SRD5A3: variants seen among roughly 807,000 people sequenced by gnomAD.
SRD5A3 encodes the protein polyprenal reductase.
SRD5A3 carries 24 observed loss-of-function variants against 34.3 expected under a neutral mutation model. The ratio of observed to expected loss-of-function variants is 0.70; its 90% CI spans 0.51 to 0.99. The LOEUF (loss-of-function observed/expected upper bound fraction) is 0.99, where lower values mean the gene tolerates loss of function less well. Ranked by LOEUF, SRD5A3 falls within the 50% of genes least tolerant of loss-of-function variation. SRD5A3 has a pLI of 0.00. For synonymous variants in SRD5A3, 161 were observed against 167.3 expected (o/e 0.96, Z 0.29); for missense variants, 350 against 388.2 (o/e 0.90, Z 0.83).
At chr4:55,353,903 G>T (rs1719317835) in intron 1 of SRD5A3, among the ~76,000 whole-genome samples, 1 of 152,142 alleles carries the variant, frequency 6.6e-6, no homozygotes, top group Admixed American at 6.6e-5. Flanking sequence ...CTTCATTCTT[G>T]AAGTCAGCAA....
rs753171421 is a variant in SRD5A3 at position 55,369,923 on chromosome 4, C to T, written c.789C>T (p.Tyr263=). The part of the protein sequence containing the change: ...SPNYLAELMI[Y]VSMAVTFGFH... The stretch of plus-strand genomic sequence containing the variant: ...ACTACTTAGCAGAGCTGATGATCTA[C>T]GTTTCCATGGCCGTCACCTTTGGGT... The change falls in exon 5 of 5, where the codon TAC becomes TAT. Residue 263 remains tyrosine, a synonymous_variant. Transcript: ENST00000264228. 5.6e-6 allele frequency: 9 copies of T among 1,614,148 alleles called. No homozygotes were observed. Among genetic ancestry groups the T allele is most frequent in the Middle Eastern group, 1.6e-4 (1 of 6,062 alleles).
In SRD5A3 at chr4:55,370,253, C is replaced by G. The variant is rs1467194120; in HGVS notation, c.*162C>G. On this transcript the variant is annotated 3_prime_UTR_variant, in exon 5 of 5. Coordinates refer to ENST00000264228, the MANE Select transcript of SRD5A3 (RefSeq NM_024592.5). ...ACTGAATGAGCATGGCAGTGCCACT[C>G]AAGAAAATGAATCTCCAAAGTATCT... 1.4e-5 allele frequency: 12 copies of G among 874,862 alleles called. No homozygotes were observed. The highest frequency in any genetic ancestry group is 4.6e-5 in the Admixed American group (2 of 43,080). The allele number at this position is 874,862 out of a possible 1,614,324, so 54.2% of individuals were successfully genotyped here. A position where few individuals can be genotyped will look rare whatever the true frequency, so the allele number is the denominator to read the frequency against.
rs1182189976 is a variant in SRD5A3 at position 55,372,184 on chromosome 4, AT to A, written c.*2098del. 6.6e-6 allele frequency: 1 copy of A among 152,316 alleles called. No individual in the cohort carries two copies. The highest frequency in any genetic ancestry group is 2.4e-5 in the African/African-American group (1 of 41,570). The allele number at this position is 152,316 out of a possible 1,614,324, so 9.4% of individuals were successfully genotyped here. A position where few individuals can be genotyped will look rare whatever the true frequency, so the allele number is the denominator to read the frequency against. ...AATTTCCACATGAATATCAAGTGTA[AT>A]TTTTAATAAATTATTTGGAGAAAAA... On this transcript the variant is annotated 3_prime_UTR_variant, in exon 5 of 5. Transcript: ENST00000264228.
At chr4:55,366,269 C>G (rs912796809) in intron 3 of SRD5A3, among the ~76,000 whole-genome samples, 3 of 152,196 alleles carry the variant, frequency 2.0e-5, no homozygotes, top group African/African-American at 7.2e-5. Context: ...ATTTGAACTT[C>G]CAGACACTGT....
At chr4:55,347,785 CAT>C (rs1719049635) in intron 1 of SRD5A3, among the ~76,000 whole-genome samples, 1 of 152,120 alleles carries the variant, frequency 6.6e-6, no homozygotes, top group African/African-American at 2.4e-5. Context: ...AAAGATGTGT[CAT>C]GTGTTAACAC....
At position 55,364,790 on chromosome 4, in the gene SRD5A3, C is replaced by T. The variant is rs73149770; in HGVS notation, c.562+519C>T. The T allele has an allele frequency of 2.6e-3, 462 of 179,476 alleles. 1 individual carries two copies. Among genetic ancestry groups the T allele is most frequent in the African/African-American group, 0.01 (438 of 42,148 alleles). The allele number at this position is 179,476 out of a possible 1,614,324, so 11.1% of individuals were successfully genotyped here. On this transcript the variant is annotated intron_variant, in intron 3 of 4. Coordinates refer to ENST00000264228, the MANE Select transcript of SRD5A3 (RefSeq NM_024592.5). ...GGGATTTGCAGAGGGGGTGGGGAGC[C>T]ATTTTGTTGCCGCTTAGTTCCTGTG...
intron 1 of SRD5A3, among the ~76,000 whole-genome samples, chr4:55,355,879 G>T (rs1719435558): frequency 6.6e-6 from 1 of 151,768 alleles, no homozygotes; most frequent in East Asian, 1.9e-4. Flanking sequence ...CTTAACTTTT[G>T]CCATGCTCTA....
chr4:55,349,629 T>C (rs6814943), intron 1 of SRD5A3, among the ~76,000 whole-genome samples: 2,271 of 152,114 alleles, frequency 0.015, 54 homozygotes, highest in African/African-American at 0.052. Context: ...AATAAACAGG[T>C]GACCTCGAAC....
intron 1 of SRD5A3, among the ~76,000 whole-genome samples, chr4:55,354,002 G>T (rs908158506): frequency 6.6e-6 from 1 of 152,190 alleles, no homozygotes; most frequent in African/African-American, 2.4e-5. Flanking sequence ...TTAGCACAGG[G>T]CCAGGGATCT....
intron 1 of SRD5A3, among the ~76,000 whole-genome samples, chr4:55,351,299 T>G (rs938397128): frequency 6.6e-6 from 1 of 152,076 alleles, no homozygotes; most frequent in Non-Finnish European, 1.5e-5. Context: ...CTTGAACTCC[T>G]GACCTCAGAT....
intron 1 of SRD5A3, chr4:55,352,484 A>G: frequency 1.6e-6 from 1 of 629,548 alleles, no homozygotes; most frequent in Admixed American, 2.4e-5. Flanking sequence ...GAAGGGGTCC[A>G]TGATGGAGAA....
rs1720099906 is a variant in SRD5A3, at chr4:55,370,773, G to T, written c.*682G>T. 6.5e-6 allele frequency: 1 copy of T among 152,844 alleles called. No homozygotes were observed. The highest frequency in any genetic ancestry group is 2.4e-5 in the African/African-American group (1 of 41,424). The allele number at this position is 152,844 out of a possible 1,614,324, so 9.5% of individuals were successfully genotyped here. Reference sequence around the variant, plus strand: ...CACATGCCTGTAGTCCCAGATACTTGGGAGTGGGCTGAGATGGGAGAATCG... The same window carrying T: ...CACATGCCTGTAGTCCCAGATACTTTGGAGTGGGCTGAGATGGGAGAATCG... On this transcript the variant is annotated 3_prime_UTR_variant, in exon 5 of 5. Transcript: ENST00000264228.
In SRD5A3 at chr4:55,372,482, A is replaced by AC. The variant is rs1720163639; in HGVS notation, c.*2391_*2392insC. 1 of 152,186 alleles carries AC rather than the reference A, an allele frequency of 6.6e-6. No homozygotes were observed. Among genetic ancestry groups the AC allele is most frequent in the East Asian group, 1.9e-4 (1 of 5,186 alleles). 9.4% of individuals were successfully genotyped at this position (152,186 alleles called of 1,614,324 possible). A position where few individuals can be genotyped will look rare whatever the true frequency, so the allele number is the denominator to read the frequency against. On this transcript the variant is annotated 3_prime_UTR_variant, in exon 5 of 5. Coordinates refer to ENST00000264228, the MANE Select transcript of SRD5A3 (RefSeq NM_024592.5). Reference sequence around the variant, plus strand: ...AAGAGAGGAGATAGTGATGTCCTGAAAGGGGTTCAGAACAACGTAGCATGG... The same window carrying AC: ...AAGAGAGGAGATAGTGATGTCCTGAACAGGGGTTCAGAACAACGTAGCATGG...
chr4:55,368,782 A>C (rs1456120572), intron 4 of SRD5A3, among the ~76,000 whole-genome samples: 1 of 151,750 alleles, frequency 6.6e-6, no homozygotes, highest in Non-Finnish European at 1.5e-5. Flanking sequence ...TCTGTCACCC[A>C]GGCTGGAGTG....
At chr4:55,356,566 C>T (rs1719469808) in intron 1 of SRD5A3, among the ~76,000 whole-genome samples, 1 of 152,076 alleles carries the variant, frequency 6.6e-6, no homozygotes, top group Admixed American at 6.6e-5. Flanking sequence ...CCACTTACTG[C>T]AGCCTCAGCC....
intron 1 of SRD5A3, 27 bp downstream of exon 1, chr4:55,346,584 G>T: frequency 6.4e-7 from 1 of 1,553,694 alleles, no homozygotes. Context: ...CCCGAGCCGC[G>T]GTGGTCAAGG....
rs576643627 is a variant in SRD5A3, at chr4:55,370,352, A to G, written c.*261A>G. The G allele has an allele frequency of 6.2e-5, 32 of 513,720 alleles. 2 individuals carry two copies. The highest frequency in any genetic ancestry group is 4.7e-4 in the Admixed American group (14 of 30,054). The allele number at this position is 513,720 out of a possible 1,614,324, so 31.8% of individuals were successfully genotyped here. ...CTGAGATGCTTTCTAAAACCAACCA[A>G]CTGATAAAAAGTAGATGAGACTTCT... On this transcript the variant is annotated 3_prime_UTR_variant, in exon 5 of 5. Coordinates refer to ENST00000264228, the MANE Select transcript of SRD5A3 (RefSeq NM_024592.5).
At chr4:55,348,700 G>A (rs756551640) in intron 1 of SRD5A3, among the ~76,000 whole-genome samples, 5 of 152,176 alleles carry the variant, frequency 3.3e-5, no homozygotes, top group African/African-American at 4.8e-5. Flanking sequence ...GTGGACCTGT[G>A]AGGGAGATGT....
intron 1 of SRD5A3, chr4:55,352,320 A>C (rs2109463632): frequency 1.3e-6 from 1 of 794,926 alleles, no homozygotes; most frequent in East Asian, 2.4e-5. Context: ...TTTAGGTTTT[A>C]ATTTATCCTT....
Sources: allele counts gnomAD v4.1 joint callset (sites outside exome capture counted in the v4.1 genomes callset), GRCh38; gene constraint gnomAD v4.1.1; transcripts MANE v1.5; gene names NCBI Gene and HGNC (gene_info 2026-07-23, HGNC 2026-07-21).